UGGT2: variants seen among roughly 807,000 people sequenced by gnomAD.
UGGT2 encodes UDP-glucose:glycoprotein glucosyltransferase 2.
UGGT2 carries 180 observed loss-of-function variants against 192.1 expected under a neutral mutation model. The observed-to-expected ratio is 0.94, with a 90% confidence interval of 0.83 to 1.06. UGGT2 has a LOEUF of 1.06. Among genes scored for constraint, UGGT2 ranks in the 50% least tolerant of loss-of-function variants. The pLI is 0.00. For synonymous variants in UGGT2, 580 were observed against 591.0 expected, an observed-to-expected ratio of 0.98 and a Z score of 0.27; for missense variants, 1,849 against 1,795.7, an observed-to-expected ratio of 1.03 and a Z score of -0.54.
intron 5 of UGGT2, among the ~76,000 whole-genome samples, chr13:96,009,409 T>A (rs559025050): frequency 3.3e-4 from 51 of 152,288 alleles, no homozygotes; most frequent in African/African-American, 1.2e-3. Flanking sequence ...ACACGCAACC[T>A]ACAGAATGGG....
intron 20 of UGGT2, among the ~76,000 whole-genome samples, chr13:95,916,119 G>C (rs1288750512): frequency 6.6e-6 from 1 of 152,084 alleles, no homozygotes; most frequent in Admixed American, 6.6e-5. Flanking sequence ...TCACAACAAG[G>C]GTCTCCAGCC....
intron 17 of UGGT2, among the ~76,000 whole-genome samples, chr13:95,932,075 ATAG>A (rs1476395217): frequency 6.6e-6 from 1 of 152,184 alleles, no homozygotes; most frequent in East Asian, 1.9e-4. Flanking sequence ...TAATTTTAGA[ATAG>A]TATTTTCCAA....
chr13:95,909,364 A>G (rs2140330128), intron 20 of UGGT2, among the ~76,000 whole-genome samples: 1 of 152,002 alleles, frequency 6.6e-6, no homozygotes, highest in East Asian at 1.9e-4. Context: ...AATGTCCAAC[A>G]ATGATAGACT....
At chr13:95,928,587 A>C (rs1186036169) in intron 17 of UGGT2, among the ~76,000 whole-genome samples, 4 of 147,546 alleles carry the variant, frequency 2.7e-5, no homozygotes, top group African/African-American at 7.6e-5. Context: ...TGCTCTTCAC[A>C]GCCCAGACGG....
chr13:95,960,151 T>G (rs918902886), intron 12 of UGGT2, among the ~76,000 whole-genome samples: 1 of 152,192 alleles, frequency 6.6e-6, no homozygotes, highest in Non-Finnish European at 1.5e-5. Flanking sequence ...AATAAGTAAC[T>G]GTTACACCAG....
At chr13:95,916,967 C>T (rs1314634093) in intron 20 of UGGT2, among the ~76,000 whole-genome samples, 1 of 151,930 alleles carries the variant, frequency 6.6e-6, no homozygotes, top group Non-Finnish European at 1.5e-5. Flanking sequence ...AGTTGAAAAA[C>T]ATACTTGAGG....
At chr13:95,884,084 A>AAC (rs1555346760) in intron 27 of UGGT2, among the ~76,000 whole-genome samples, 3 of 132,010 alleles carry the variant, frequency 2.3e-5, no homozygotes, top group Non-Finnish European at 4.9e-5. Flanking sequence ...AAAAAAAAAA[A>AAC]AACCAACAAC....
At chr13:95,940,370 T>C (rs997558326) in intron 15 of UGGT2, among the ~76,000 whole-genome samples, 13 of 151,952 alleles carry the variant, frequency 8.6e-5, no homozygotes, top group Admixed American at 3.9e-4. Context: ...TGATTACCTT[T>C]TTTAATGTAT....
rs755381301 is a variant in UGGT2 at position 95,837,092 on chromosome 13, A to G, written c.4395T>C (p.Ile1465=). 1.2e-6 allele frequency: 2 copies of G among 1,608,376 alleles called. No individual in the cohort carries two copies. Among genetic ancestry groups the G allele is most frequent in the South Asian group, 2.2e-5 (2 of 90,946 alleles). Residue 1465 remains isoleucine, a synonymous_variant, in exon 37 of 39, where the codon ATT becomes ATC. Transcript: ENST00000376747. The part of the protein sequence containing the change: ...DDESKQRAKT[I]DLCNNPKTKE... Reference sequence around the variant, plus strand: ...TGAAAACAAAGACACTCACCAGATCAATTGTTTTGGCTCTTTGTTTGGATT... The same window carrying G: ...TGAAAACAAAGACACTCACCAGATCGATTGTTTTGGCTCTTTGTTTGGATT...
chr13:95,927,185 T>C (rs764454251), intron 18 of UGGT2, 28 bp downstream of exon 18: 2 of 1,608,846 alleles, frequency 1.2e-6, no homozygotes, highest in Non-Finnish European at 1.7e-6. Context: ...TCAATAAACA[T>C]TTGTAGAACA....
intron 38 of UGGT2, among the ~76,000 whole-genome samples, chr13:95,816,981 T>C (rs1293707520): frequency 6.6e-6 from 1 of 151,928 alleles, no homozygotes; most frequent in Admixed American, 6.6e-5. Flanking sequence ...ACAAAAATTA[T>C]CCAGGCATGT....
intron 38 of UGGT2, among the ~76,000 whole-genome samples, chr13:95,814,434 G>C (rs979775417): frequency 6.6e-6 from 1 of 152,234 alleles, no homozygotes; most frequent in Non-Finnish European, 1.5e-5. Flanking sequence ...CTGCCCTGCT[G>C]GGTTTTGGAC....
In UGGT2 at chr13:95,904,209, G is replaced by T. The variant is rs139231561; in HGVS notation, c.2296-1149C>A. On this transcript the variant is annotated intron_variant, in intron 20 of 38. Transcript: ENST00000376747. ...TAATTTTAAAGTAGTTCCATTTATT[G>T]GTATTATACCTGATGGCTACTGTGT... 4.7e-3 allele frequency among the ~76,000 whole-genome samples: 711 copies of T among 151,940 alleles called. 5 individuals carry two copies. Among genetic ancestry groups the T allele is most frequent in the African/African-American group, 0.017 (686 of 41,446 alleles).
chr13:95,981,624 A>G (rs1393877570), intron 10 of UGGT2, among the ~76,000 whole-genome samples: 3 of 152,210 alleles, frequency 2.0e-5, no homozygotes, highest in Non-Finnish European at 1.5e-5. Flanking sequence ...AGAAGAAGAA[A>G]AAAAGACCAT....
intron 7 of UGGT2, among the ~76,000 whole-genome samples, chr13:95,991,892 C>A (rs1446105875): frequency 6.6e-6 from 1 of 152,102 alleles, no homozygotes; most frequent in Non-Finnish European, 1.5e-5. Flanking sequence ...TTTGAGTATT[C>A]CCTTTTAAAA....
intron 2 of UGGT2, among the ~76,000 whole-genome samples, chr13:96,030,898 CCTGA>C (rs2052813057): frequency 2.0e-5 from 3 of 152,110 alleles, no homozygotes; most frequent in African/African-American, 4.8e-5. Flanking sequence ...ATATTAGTTA[CCTGA>C]CTTTTTGAGG....
chr13:96,027,361 T>C (rs1457894544), intron 2 of UGGT2, among the ~76,000 whole-genome samples: 3 of 152,148 alleles, frequency 2.0e-5, no homozygotes, highest in African/African-American at 4.8e-5. Flanking sequence ...CTTTTATAAT[T>C]TAGATGTAAC....
intron 12 of UGGT2, among the ~76,000 whole-genome samples, chr13:95,950,555 T>C (rs1294160196): frequency 2.0e-5 from 2 of 101,652 alleles, no homozygotes; most frequent in African/African-American, 7.0e-5. Flanking sequence ...AAAAAAAAAG[T>C]CATGCAAAGA....
At chr13:95,940,898 A>T (rs1165278098) in intron 15 of UGGT2, among the ~76,000 whole-genome samples, 2 of 152,122 alleles carry the variant, frequency 1.3e-5, no homozygotes, top group Non-Finnish European at 2.9e-5. Flanking sequence ...AGGCCTTACT[A>T]GTAAGTATTT....
Sources: gnomAD v4.1 joint callset for allele counts (sites outside exome capture counted in the v4.1 genomes callset) on GRCh38, gnomAD v4.1.1 for gene constraint, MANE v1.5 for transcripts, NCBI Gene and HGNC (gene_info 2026-07-23, HGNC 2026-07-21) for gene names.